ST6GALNAC3: variants seen among roughly 807,000 people sequenced by gnomAD.
The protein encoded by ST6GALNAC3 is ST6 N-acetylgalactosaminide alpha-2,6-sialyltransferase 3.
In ST6GALNAC3, 25 loss-of-function variants were observed where a neutral mutation model predicts 32.7. That is an observed-to-expected ratio of 0.76 (90% CI 0.56 to 1.07). ST6GALNAC3 has a LOEUF of 1.07. Among genes scored for constraint, ST6GALNAC3 ranks in the 50% least tolerant of loss-of-function variants. ST6GALNAC3 has a pLI of 0.00. For missense variants in ST6GALNAC3, 355 were observed against 382.4 expected, an observed-to-expected ratio of 0.93 and a Z score of 0.60; for synonymous variants, 129 against 133.1, an observed-to-expected ratio of 0.97 and a Z score of 0.21.
intron 2 of ST6GALNAC3, among the ~76,000 whole-genome samples, chr1:76,316,102 G>A (rs1646859954): frequency 6.6e-6 from 1 of 152,050 alleles, no homozygotes; most frequent in Admixed American, 6.6e-5. Context: ...CGCCAGATTG[G>A]CAAAAAATTA....
intron 1 of ST6GALNAC3, among the ~76,000 whole-genome samples, chr1:76,201,566 C>T (rs1654519709): frequency 6.6e-6 from 1 of 152,020 alleles, no homozygotes; most frequent in Admixed American, 6.6e-5. Context: ...CTGATGACAA[C>T]TGTTTGCAGT....
intron 3 of ST6GALNAC3, among the ~76,000 whole-genome samples, chr1:76,440,563 T>C (rs1656503744): frequency 6.6e-6 from 1 of 152,228 alleles, no homozygotes; most frequent in African/African-American, 2.4e-5. Context: ...AGAACTGTAT[T>C]TTGTAGAATC....
At chr1:76,491,489 C>T (rs74089964) in intron 3 of ST6GALNAC3, among the ~76,000 whole-genome samples, 6,963 of 152,130 alleles carry the variant, frequency 0.046, 530 homozygotes, top group African/African-American at 0.16. Context: ...CCCTGGCTTC[C>T]ACATGCTGAG....
chr1:76,629,110 T>C lies in ST6GALNAC3; in HGVS notation c.*304T>C, dbSNP rs1205331459. Reference sequence around the variant, plus strand: ...ACTGTGACCTAAGAAATGGGAAGATTATCTTTCAAGATAGCTGCCTAGAAT... The same window carrying C: ...ACTGTGACCTAAGAAATGGGAAGATCATCTTTCAAGATAGCTGCCTAGAAT... On this transcript the variant is annotated 3_prime_UTR_variant, in exon 5 of 5. Transcript: ENST00000328299. The C allele has an allele frequency of 1.8e-6, 2 of 1,113,436 alleles. No homozygotes were observed. Among genetic ancestry groups the C allele is most frequent in the Non-Finnish European group, 2.2e-6 (2 of 913,516 alleles). The allele number at this position is 1,113,436 out of a possible 1,614,324, so 69.0% of individuals were successfully genotyped here.
chr1:76,216,123 C>T lies in ST6GALNAC3; in HGVS notation c.19-97682C>T, dbSNP rs369940933. ...CATGCACCATCTCAGGGTCTTTGCA[C>T]TTGCTGTTCTTCTTGGTTGAAATAC... On this transcript the variant is annotated intron_variant, in intron 1 of 4. Transcript: ENST00000328299. Among the ~76,000 whole-genome samples, 31 of 152,284 alleles carry T rather than the reference C, an allele frequency of 2.0e-4. No individual in the cohort carries two copies. In the East Asian group the frequency reaches 3.7e-3, roughly 18 times the overall value.
At chr1:76,273,476 A>T (rs1658968265) in intron 1 of ST6GALNAC3, among the ~76,000 whole-genome samples, 1 of 152,196 alleles carries the variant, frequency 6.6e-6, no homozygotes. Context: ...TGAGAGGAAG[A>T]GCTCACAGTT....
intron 1 of ST6GALNAC3, among the ~76,000 whole-genome samples, chr1:76,146,537 C>T (rs1282920943): frequency 6.6e-6 from 1 of 152,180 alleles, no homozygotes; most frequent in African/African-American, 2.4e-5. Flanking sequence ...CTCCTGTCCA[C>T]ACTTCCAGTC....
rs115387782 is a variant in ST6GALNAC3 at position 76,263,295 on chromosome 1, C to T, written c.19-50510C>T. Among the ~76,000 whole-genome samples, 891 of 152,238 alleles carry T rather than the reference C, an allele frequency of 5.9e-3. 11 individuals carry two copies. The highest frequency in any genetic ancestry group is 5.9e-3 in the Non-Finnish European group (399 of 68,016). Reference sequence around the variant, plus strand: ...GTTAAATGGGCCCACGCATGCAAAGCACCTATAGTGCTTGGGACACTGCCA... The same window carrying T: ...GTTAAATGGGCCCACGCATGCAAAGTACCTATAGTGCTTGGGACACTGCCA... On this transcript the variant is annotated intron_variant, in intron 1 of 4. Transcript: ENST00000328299.
intron 3 of ST6GALNAC3, among the ~76,000 whole-genome samples, chr1:76,459,884 A>G (rs1011322013): frequency 2.0e-5 from 3 of 152,186 alleles, no homozygotes; most frequent in African/African-American, 7.2e-5. Context: ...TGTTTATTCA[A>G]TCATCAGTTG....
chr1:76,218,923 T>C (rs1254762376), intron 1 of ST6GALNAC3, among the ~76,000 whole-genome samples: 2 of 152,234 alleles, frequency 1.3e-5, no homozygotes, highest in Non-Finnish European at 2.9e-5. Context: ...TATCAGGCAC[T>C]AAGGGATTTG....
intron 3 of ST6GALNAC3, among the ~76,000 whole-genome samples, chr1:76,567,459 C>G (rs1365906421): frequency 6.6e-6 from 1 of 152,110 alleles, no homozygotes; most frequent in Non-Finnish European, 1.5e-5. Context: ...ACATGAAAGA[C>G]TATTTCTAAA....
At chr1:76,240,522 G>A (rs898249270) in intron 1 of ST6GALNAC3, among the ~76,000 whole-genome samples, 4 of 152,184 alleles carry the variant, frequency 2.6e-5, no homozygotes, top group Admixed American at 1.3e-4. Flanking sequence ...GGTATGGAAT[G>A]TAAGTAGAAG....
At chr1:76,234,611 C>G (rs17098442) in intron 1 of ST6GALNAC3, among the ~76,000 whole-genome samples, 12,072 of 152,232 alleles carry the variant, frequency 0.079, 1,264 homozygotes, top group African/African-American at 0.24. Context: ...AACCTGGGCT[C>G]TACACCTGAA....
chr1:76,553,992 T>A (rs1343292246), intron 3 of ST6GALNAC3, among the ~76,000 whole-genome samples: 1 of 152,226 alleles, frequency 6.6e-6, no homozygotes, highest in Non-Finnish European at 1.5e-5. Context: ...GCTGGCTTTT[T>A]AAAAGATTTC....
intron 3 of ST6GALNAC3, among the ~76,000 whole-genome samples, chr1:76,581,611 C>G (rs567278826): frequency 2.0e-5 from 3 of 152,128 alleles, no homozygotes; most frequent in African/African-American, 7.2e-5. Context: ...AATTTTTGAG[C>G]ATTTAACCTC....
At chr1:76,279,327 A>G (rs1240400185) in intron 1 of ST6GALNAC3, among the ~76,000 whole-genome samples, 1 of 152,192 alleles carries the variant, frequency 6.6e-6, no homozygotes, top group African/African-American at 2.4e-5. Context: ...ACTGGAAAGG[A>G]TTCTCTGCTG....
chr1:76,108,701 A>T (rs917734442), intron 1 of ST6GALNAC3, among the ~76,000 whole-genome samples: 8 of 152,224 alleles, frequency 5.3e-5, no homozygotes, highest in Admixed American at 1.3e-4. Flanking sequence ...AAACTATTTT[A>T]TGGGAAATTT....
chr1:76,103,292 C>T (rs182189283), intron 1 of ST6GALNAC3, among the ~76,000 whole-genome samples: 1 of 151,984 alleles, frequency 6.6e-6, no homozygotes, highest in African/African-American at 2.4e-5. Context: ...ATTGCTTTTC[C>T]CCATTCAGTC....
chr1:76,188,005 C>T (rs965494206), intron 1 of ST6GALNAC3, among the ~76,000 whole-genome samples: 1 of 143,346 alleles, frequency 7.0e-6, no homozygotes. Context: ...CAGAACCTGA[C>T]TATTTTTTTT....
Sources: gnomAD v4.1 joint callset for allele counts (sites outside exome capture counted in the v4.1 genomes callset) on GRCh38, gnomAD v4.1.1 for gene constraint, MANE v1.5 for transcripts, NCBI Gene and HGNC (gene_info 2026-07-23, HGNC 2026-07-21) for gene names.